TPRG1: variants seen among roughly 807,000 people sequenced by gnomAD.
TPRG1 encodes the protein tumor protein p63 regulated 1.
In TPRG1, 29 loss-of-function variants were observed where a neutral mutation model predicts 29.3. The observed-to-expected ratio is 0.99, with a 90% CI of 0.74 to 1.35. The LOEUF is 1.35. TPRG1 is among the 40% of genes most tolerant of loss of function. The probability of loss-of-function intolerance (pLI) is 0.00; values close to 1 mark genes in which losing one functional copy is unlikely to be tolerated. For synonymous variants in TPRG1, 130 were observed against 116.8 expected, an observed-to-expected ratio of 1.11 and a Z score of -0.73; for missense variants, 327 against 335.0, an observed-to-expected ratio of 0.98 and a Z score of 0.19.
At chr3:189,035,663 C>T (rs916962239) in intron 4 of TPRG1, among the ~76,000 whole-genome samples, 2 of 151,984 alleles carry the variant, frequency 1.3e-5, no homozygotes, top group African/African-American at 4.8e-5. Context: ...ATGTGACCAA[C>T]AAATATATTA....
At chr3:189,246,506 T>G (rs1281727116) in intron 4 of TPRG1, among the ~76,000 whole-genome samples, 2 of 152,218 alleles carry the variant, frequency 1.3e-5, no homozygotes, top group Non-Finnish European at 2.9e-5. Context: ...AACTTGTGCT[T>G]TAATAAATCA....
At chr3:189,104,225 C>T (rs1719545068) in intron 1 of TPRG1, among the ~76,000 whole-genome samples, 1 of 152,074 alleles carries the variant, frequency 6.6e-6, no homozygotes, top group East Asian at 1.9e-4. Context: ...AAATTAACCT[C>T]TTTGAGCCTC....
intron 1 of TPRG1, among the ~76,000 whole-genome samples, chr3:189,197,044 A>T (rs1409530869): frequency 5.3e-5 from 8 of 152,142 alleles, no homozygotes; most frequent in African/African-American, 1.7e-4. Context: ...ACCAGGATTG[A>T]TGCTGGGAAG....
chr3:189,162,043 A>T (rs1366966995), intron 5 of TPRG1, among the ~76,000 whole-genome samples: 2 of 152,038 alleles, frequency 1.3e-5, no homozygotes, highest in East Asian at 3.8e-4. Flanking sequence ...CCCAGGCTGG[A>T]GTGCAGTCGT....
chr3:189,239,401 G>A (rs1740139853), intron 4 of TPRG1, among the ~76,000 whole-genome samples: 1 of 152,126 alleles, frequency 6.6e-6, no homozygotes, highest in African/African-American at 2.4e-5. Flanking sequence ...GTGAATTCTG[G>A]GAGATACAAT....
chr3:189,133,404 G>T (rs1437246255), intron 3 of TPRG1, among the ~76,000 whole-genome samples: 1 of 152,164 alleles, frequency 6.6e-6, no homozygotes, highest in African/African-American at 2.4e-5. Flanking sequence ...GGCCTGATAT[G>T]GTTTGGCTGT....
At chr3:189,199,289 G>T (rs1159444059) in intron 1 of TPRG1, among the ~76,000 whole-genome samples, 3 of 152,132 alleles carry the variant, frequency 2.0e-5, no homozygotes, top group Non-Finnish European at 4.4e-5. Flanking sequence ...GATGATATGG[G>T]GAAAACCATT....
At chr3:189,016,832 A>T (rs1235066324) in intron 3 of TPRG1, among the ~76,000 whole-genome samples, 2 of 152,126 alleles carry the variant, frequency 1.3e-5, no homozygotes, top group Non-Finnish European at 2.9e-5. Context: ...GAGGCCCCCC[A>T]GTCATGCTTT....
chr3:189,108,738 A>G (rs1720121533), intron 1 of TPRG1, among the ~76,000 whole-genome samples: 1 of 152,172 alleles, frequency 6.6e-6, no homozygotes, highest in South Asian at 2.1e-4. Context: ...ACCAACATTT[A>G]TGGTACCTTA....
At chr3:189,283,160 A>C (rs958724976) in intron 4 of TPRG1, among the ~76,000 whole-genome samples, 2 of 152,190 alleles carry the variant, frequency 1.3e-5, no homozygotes, top group African/African-American at 4.8e-5. Context: ...TTTATGTATT[A>C]ATTATTAAAG....
In TPRG1 at chr3:189,064,610, CAGTA is replaced by C. The variant is rs747557759; in HGVS notation, c.-463+40666_-463+40669del. On this transcript the variant is annotated intron_variant, in intron 4 of 10. Coordinates refer to the TPRG1 transcript ENST00000433971. ...GCAAAAGCTGATTCTTCAAAAAAGT[CAGTA>C]AAATCAATAATCTCTAACAATACTA... 1.1e-4 allele frequency among the ~76,000 whole-genome samples: 16 copies of C among 152,046 alleles called. No individual in the cohort carries two copies. The Middle Eastern group carries it at 0.02, about 194-fold the overall frequency.
rs1339180836 is a variant in TPRG1 at position 189,068,512 on chromosome 3, C to A, written c.-463+44566C>A. On this transcript the variant is annotated intron_variant, in intron 4 of 10. Transcript: ENST00000433971. ...AGATTCTTGGCTGGACGCAGTGGCT[C>A]ACGCCTGTAATCCCAGCACTTTGGG... Among the ~76,000 whole-genome samples the A allele has an allele frequency of 2.6e-5, 4 of 152,208 alleles. No individual in the cohort carries two copies. The South Asian group carries it at 8.3e-4, about 31-fold the overall frequency.
chr3:189,155,636 A>G (rs1038206149), intron 5 of TPRG1, among the ~76,000 whole-genome samples: 2 of 152,222 alleles, frequency 1.3e-5, no homozygotes, highest in African/African-American at 4.8e-5. Flanking sequence ...GATAAAGAAA[A>G]TAGAATGTTA....
At chr3:189,045,607 C>T (rs552492717) in intron 4 of TPRG1, among the ~76,000 whole-genome samples, 16 of 152,270 alleles carry the variant, frequency 1.1e-4, no homozygotes, top group South Asian at 8.3e-4. Flanking sequence ...GTACAGTGCA[C>T]GGAATAGAAG....
intron 3 of TPRG1, among the ~76,000 whole-genome samples, chr3:189,007,112 C>A (rs1361473156): frequency 6.6e-6 from 1 of 151,770 alleles, no homozygotes; most frequent in Non-Finnish European, 1.5e-5. Flanking sequence ...AACAGGCAAC[C>A]TACAAAATGG....
At chr3:189,223,119 C>A (rs563422829) in intron 3 of TPRG1, among the ~76,000 whole-genome samples, 23 of 152,274 alleles carry the variant, frequency 1.5e-4, no homozygotes, top group African/African-American at 5.3e-4. Flanking sequence ...AGCCTAGTTC[C>A]CAGTGATTAG....
intron 1 of TPRG1, among the ~76,000 whole-genome samples, chr3:189,106,448 C>T (rs1201294272): frequency 6.6e-6 from 1 of 152,096 alleles, no homozygotes; most frequent in African/African-American, 2.4e-5. Flanking sequence ...ATTTTGTAAC[C>T]TGCCTTTAAA....
chr3:189,078,455 A>G (rs1335480739), intron 4 of TPRG1, among the ~76,000 whole-genome samples: 1 of 152,040 alleles, frequency 6.6e-6, no homozygotes, highest in Admixed American at 6.6e-5. Context: ...TTTTCTTAAA[A>G]ATGTGTTTCT....
intron 4 of TPRG1, among the ~76,000 whole-genome samples, chr3:189,301,721 G>A (rs1270841948): frequency 2.0e-5 from 3 of 152,108 alleles, no homozygotes; most frequent in Non-Finnish European, 2.9e-5. Flanking sequence ...GACCAAGGAG[G>A]GCATCCAGCT....
Sources: allele counts gnomAD v4.1 joint callset (sites outside exome capture counted in the v4.1 genomes callset), GRCh38; gene constraint gnomAD v4.1.1; transcripts MANE v1.5; gene names NCBI Gene and HGNC (gene_info 2026-07-23, HGNC 2026-07-21).